Variants in CDKN2B-AS1 observed in about 807,000 individuals in gnomAD.
CDKN2B-AS1 encodes CDKN2B antisense RNA 1 (non-protein coding).
intron 1 of CDKN2B-AS1, among the ~76,000 whole-genome samples, chr9:22,038,593 C>A (rs542561408): frequency 6.6e-6 from 1 of 152,036 alleles, no homozygotes; most frequent in South Asian, 2.1e-4. Flanking sequence ...TATAATAAAA[C>A]TTTATTCTTT....
chr9:22,069,663 A>T (rs985702613), intron 4 of CDKN2B-AS1, among the ~76,000 whole-genome samples: 5 of 152,212 alleles, frequency 3.3e-5, no homozygotes, highest in Admixed American at 3.3e-4. Flanking sequence ...TTCCTTTTTG[A>T]TGAGAACATT....
Position 21,999,937 on chromosome 9 carries a change from C to A in CDKN2B-AS1, n.29+4776C>A, listed in dbSNP as rs1325319450. On this transcript the variant is annotated intron_variant and non_coding_transcript_variant, in intron 1 of 4. Transcript: ENST00000650946. This position sits in a 1 kb window ranked among gnomAD's most constrained non-coding sequence, Gnocchi z 4.7. ...GGAGAGATGTTTGCAATTATATGTA[C>A]TTATATTTCTGGAAGGATAATTAAA... Among the ~76,000 whole-genome samples the A allele has an allele frequency of 6.6e-6, 1 of 152,098 alleles. No homozygotes were observed.
intron 4 of CDKN2B-AS1, among the ~76,000 whole-genome samples, chr9:22,066,915 G>A (rs1824067661): frequency 6.6e-6 from 1 of 152,060 alleles, no homozygotes; most frequent in African/African-American, 2.4e-5. Flanking sequence ...GTCCTTTGTA[G>A]GGACATGGAT....
chr9:22,021,613 T>G (rs556994474), intron 1 of CDKN2B-AS1, among the ~76,000 whole-genome samples: 118 of 152,272 alleles, frequency 7.7e-4, no homozygotes, highest in African/African-American at 2.7e-3. Flanking sequence ...AGCAGTAGTT[T>G]GTGGTTCTCC....
In CDKN2B-AS1 at chr9:22,039,006, A is replaced by G. The variant is rs1037527203; in HGVS notation, n.30-7745A>G. ...ATCTGAGAAAATTTCCAGTTAGGAC[A>G]TGGAAATTTTTTCCTTGTCAATATT... is the stretch of plus-strand genomic sequence containing the variant. On this transcript the variant is annotated intron_variant and non_coding_transcript_variant, in intron 1 of 4. Coordinates refer to ENST00000650946, the Ensembl canonical transcript of CDKN2B-AS1. The surrounding 1 kb of genome is among the most constrained non-coding windows in gnomAD (Gnocchi z 4.4). Among the ~76,000 whole-genome samples the G allele has an allele frequency of 6.6e-6, 1 of 152,028 alleles. No individual in the cohort carries two copies. The highest frequency in any genetic ancestry group is 1.5e-5 in the Non-Finnish European group (1 of 67,958).
intron 4 of CDKN2B-AS1, among the ~76,000 whole-genome samples, chr9:22,100,449 T>C (rs1343208528): frequency 6.6e-6 from 1 of 152,198 alleles, no homozygotes; most frequent in African/African-American, 2.4e-5. Context: ...CTTAGGATAA[T>C]GTTTTCTGGT....
chr9:22,127,928 A>G (rs1818040255), exon 5 of CDKN2B-AS1, among the ~76,000 whole-genome samples: 1 of 152,174 alleles, frequency 6.6e-6, no homozygotes. Context: ...GGGTCAGACA[A>G]CTGGGTGCAT....
chr9:22,106,004 G>A (rs758384519), intron 4 of CDKN2B-AS1, among the ~76,000 whole-genome samples: 3 of 152,296 alleles, frequency 2.0e-5, no homozygotes, highest in East Asian at 1.9e-4. Flanking sequence ...TCTGCCTCCC[G>A]GATACAAGCG....
In CDKN2B-AS1 at chr9:22,001,791, T is replaced by G. The variant is rs546541820; in HGVS notation, n.29+6630T>G. Among the ~76,000 whole-genome samples, 35 of 152,220 alleles carry G rather than the reference T, an allele frequency of 2.3e-4. No homozygotes were observed. The highest frequency in any genetic ancestry group is 8.2e-4 in the African/African-American group (34 of 41,558). On this transcript the variant is annotated intron_variant and non_coding_transcript_variant, in intron 1 of 4. Transcript: ENST00000650946. This position sits in a 1 kb window ranked among gnomAD's most constrained non-coding sequence, Gnocchi z 4.2. ...ATTGAGAAACGTTTTATAGAAACTT[T>G]TCAGGTATGAAGGATAGTAGTAGAG...
In CDKN2B-AS1 at chr9:22,088,776, A is replaced by G. The variant is rs1376112421; in HGVS notation, n.438+32389A>G. On this transcript the variant is annotated intron_variant and non_coding_transcript_variant, in intron 4 of 4. Transcript: ENST00000650946. ...CTATAAAAGAAAATCACCCAACCCT[A>G]TAAAGTCATCTTTATGAACTTTGAA... is the stretch of plus-strand genomic sequence containing the variant. Among the ~76,000 whole-genome samples, 5 of 152,212 alleles carry G rather than the reference A, an allele frequency of 3.3e-5. No homozygotes were observed. In the East Asian group the frequency reaches 7.7e-4, roughly 23 times the overall value.
At chr9:22,071,321 A>C (rs1317072913) in intron 4 of CDKN2B-AS1, among the ~76,000 whole-genome samples, 3 of 97,048 alleles carry the variant, frequency 3.1e-5, no homozygotes, top group Admixed American at 1.4e-4. Flanking sequence ...TTTTTTAGAC[A>C]CGGAGTCTTG....
At chr9:22,034,376 C>T (rs887304576) in intron 1 of CDKN2B-AS1, among the ~76,000 whole-genome samples, 17 of 151,976 alleles carry the variant, frequency 1.1e-4, no homozygotes, top group African/African-American at 3.6e-4. Context: ...TCATTGTGTT[C>T]CCCCCTGACT....
chr9:22,060,156 T>A (rs1368283699), intron 4 of CDKN2B-AS1, among the ~76,000 whole-genome samples: 2 of 152,214 alleles, frequency 1.3e-5, no homozygotes, highest in East Asian at 3.8e-4. Flanking sequence ...TTGAATTTCT[T>A]CCCAGAAAAT....
rs981835504 is a variant in CDKN2B-AS1, at chr9:22,005,663, A to C, written n.29+10502A>C. On this transcript the variant is annotated intron_variant and non_coding_transcript_variant, in intron 1 of 4. Coordinates refer to ENST00000650946, the Ensembl canonical transcript of CDKN2B-AS1. This position sits in a 1 kb window ranked among gnomAD's most constrained non-coding sequence, Gnocchi z 4.9. ...CGGAAGATTCGTAGCCACCAGGTCC[A>C]GTCAAGGATTTCATATGCACTTTCC... 2.1e-6 allele frequency: 1 copy of C among 484,904 alleles called. No individual in the cohort carries two copies. The highest frequency in any genetic ancestry group is 3.7e-5 in the East Asian group (1 of 27,280). 30.0% of individuals were successfully genotyped at this position (484,904 alleles called of 1,614,324 possible).
At chr9:22,124,372 T>C (rs188545436) in intron 4 of CDKN2B-AS1, among the ~76,000 whole-genome samples, 3 of 152,196 alleles carry the variant, frequency 2.0e-5, no homozygotes, top group Admixed American at 6.5e-5. Flanking sequence ...AACAGCCAAT[T>C]TGTGGAGTGT....
chr9:22,054,443 C>T (rs989806813), intron 3 of CDKN2B-AS1, among the ~76,000 whole-genome samples: 4 of 152,144 alleles, frequency 2.6e-5, no homozygotes, highest in Non-Finnish European at 5.9e-5. Flanking sequence ...GGATTTGTGA[C>T]AATACTAATA....
chr9:22,091,898 G>A (rs935173872), intron 4 of CDKN2B-AS1, among the ~76,000 whole-genome samples: 5 of 152,144 alleles, frequency 3.3e-5, no homozygotes, highest in Non-Finnish European at 5.9e-5. Context: ...CCTGTCTTGT[G>A]CCAGTTTTCA....
chr9:22,052,278 A>G (rs552257692), intron 3 of CDKN2B-AS1, among the ~76,000 whole-genome samples: 10 of 152,298 alleles, frequency 6.6e-5, no homozygotes, highest in African/African-American at 2.2e-4. Context: ...AAAGCCCTAC[A>G]TGGTCCCTAG....
exon 5 of CDKN2B-AS1, among the ~76,000 whole-genome samples, chr9:22,127,642 G>A (rs10811657): frequency 0.22 from 33,278 of 151,990 alleles, 4,369 homozygotes; most frequent in African/African-American, 0.37. Flanking sequence ...ATCTCTGGGC[G>A]GGGTAAAAGG....
Sources: gnomAD v4.1 joint callset for allele counts (sites outside exome capture counted in the v4.1 genomes callset) on GRCh38, gnomAD v4.1.1 for gene constraint, Gnocchi (gnomAD v3.1) non-coding constraint, MANE v1.5 for transcripts, NCBI Gene and HGNC (gene_info 2026-07-23, HGNC 2026-07-21) for gene names.